FAF1: variants seen among roughly 807,000 people sequenced by gnomAD.
The protein encoded by FAF1 is Fas associated factor 1.
FAF1 carries 25 observed loss-of-function variants against 92.5 expected under a neutral mutation model. That is an observed-to-expected ratio of 0.27 (90% confidence interval 0.20 to 0.38). The LOEUF (loss-of-function observed/expected upper bound fraction) is 0.38, where lower values mean the gene tolerates loss of function less well. FAF1 is among the 10% of genes least tolerant of loss of function. FAF1 has a pLI of 1.00. For missense variants in FAF1, 636 were observed against 793.3 expected (o/e 0.80, Z 2.38); for synonymous variants, 234 against 273.2 (o/e 0.86, Z 1.42).
chr1:50,868,212 C>T (rs1329552335), intron 1 of FAF1, among the ~76,000 whole-genome samples: 1 of 152,114 alleles, frequency 6.6e-6, no homozygotes, highest in Non-Finnish European at 1.5e-5. Context: ...TAAAAGACTA[C>T]ACATTGTGTA....
chr1:50,925,282 G>A (rs1182169170), intron 1 of FAF1, among the ~76,000 whole-genome samples: 1 of 152,006 alleles, frequency 6.6e-6, no homozygotes, highest in Non-Finnish European at 1.5e-5. Context: ...ATCACGTCAG[G>A]ACAAAAACAC....
intron 18 of FAF1, among the ~76,000 whole-genome samples, chr1:50,474,237 A>C (rs540446913): frequency 6.6e-6 from 1 of 152,316 alleles, no homozygotes; most frequent in Admixed American, 6.5e-5. Context: ...CAAGTAGCTG[A>C]AGACAACAAT....
intron 5 of FAF1, among the ~76,000 whole-genome samples, chr1:50,740,273 A>T (rs1378333915): frequency 6.6e-6 from 1 of 152,150 alleles, no homozygotes; most frequent in Non-Finnish European, 1.5e-5. Flanking sequence ...CAGGGCCATC[A>T]AGGTGGGTCT....
Position 50,804,094 on chromosome 1 carries a change from T to C in FAF1, c.115-2417A>G, listed in dbSNP as rs370038178. On this transcript the variant is annotated intron_variant, in intron 2 of 18. Transcript: ENST00000396153. ...CACAGGAGAATATCAATTGTTCATA[T>C]AATAAATGTGTATTAATTGCCAACT... 4.7e-4 allele frequency among the ~76,000 whole-genome samples: 72 copies of C among 152,308 alleles called. 2 individuals are homozygous for C. The South Asian group carries it at 0.015, about 32-fold the overall frequency.
chr1:50,746,279 TATATATATA>T (rs1557506611), intron 4 of FAF1, among the ~76,000 whole-genome samples: 10 of 19,808 alleles, frequency 5.0e-4, no homozygotes, highest in African/African-American at 2.4e-3. Context: ...TATATATATA[TATATATATA>T]TATATTTTTT....
At chr1:50,816,715 G>A (rs1051144897) in intron 2 of FAF1, among the ~76,000 whole-genome samples, 8 of 152,100 alleles carry the variant, frequency 5.3e-5, no homozygotes, top group South Asian at 2.1e-4. Flanking sequence ...TTTTTGTTTC[G>A]GTTGCAAATG....
intron 9 of FAF1, among the ~76,000 whole-genome samples, chr1:50,590,982 C>CA (rs549834705): frequency 3.5e-3 from 402 of 113,322 alleles, no homozygotes; most frequent in South Asian, 0.012. Context: ...ACTCTGTCTC[C>CA]AAAAAAAAAA....
intron 15 of FAF1, among the ~76,000 whole-genome samples, chr1:50,516,167 T>G (rs1316467094): frequency 6.6e-6 from 1 of 152,158 alleles, no homozygotes; most frequent in African/African-American, 2.4e-5. Context: ...ATTCAGGCAA[T>G]ATAGCACTGC....
chr1:50,614,040 T>G (rs992694245), intron 8 of FAF1, among the ~76,000 whole-genome samples: 24 of 151,756 alleles, frequency 1.6e-4, no homozygotes. Flanking sequence ...GAGGTTGCAG[T>G]GAGTCGGGAT....
At chr1:50,864,539 A>G (rs1462567383) in intron 1 of FAF1, among the ~76,000 whole-genome samples, 1 of 152,016 alleles carries the variant, frequency 6.6e-6, no homozygotes, top group Non-Finnish European at 1.5e-5. Context: ...AACACCACAT[A>G]TCTACAACTA....
intron 1 of FAF1, among the ~76,000 whole-genome samples, chr1:50,952,659 T>A (rs1363546191): frequency 4.6e-5 from 7 of 151,010 alleles, no homozygotes; most frequent in Non-Finnish European, 1.0e-4. Flanking sequence ...GTCTAGGAAG[T>A]GAGGAGCATC....
chr1:50,827,183 A>C (rs1644107769), intron 2 of FAF1, among the ~76,000 whole-genome samples: 1 of 152,172 alleles, frequency 6.6e-6, no homozygotes, highest in African/African-American at 2.4e-5. Context: ...TTTTGTCAAA[A>C]AGAAAAGGGG....
chr1:50,810,624 G>C (rs545724804), intron 2 of FAF1, among the ~76,000 whole-genome samples: 36 of 152,344 alleles, frequency 2.4e-4, no homozygotes, highest in African/African-American at 7.9e-4. Flanking sequence ...CAAATAGAAA[G>C]AGAGGAAGTC....
rs1651074033 is a variant in FAF1, at chr1:50,583,325, A to G, written c.1031+327T>C. 6.6e-6 allele frequency among the ~76,000 whole-genome samples: 1 copy of G among 151,968 alleles called. No individual in the cohort carries two copies. The highest frequency in any genetic ancestry group is 1.5e-5 in the Non-Finnish European group (1 of 67,896). On this transcript the variant is annotated intron_variant, in intron 11 of 18. Coordinates refer to ENST00000396153, the MANE Select transcript of FAF1 (RefSeq NM_007051.3). The surrounding 1 kb of genome is among the most constrained non-coding windows in gnomAD (Gnocchi z 4.2). ...ATTTTTAAATTTAATATTATTTTAA[A>G]GGATTTTCCATTTGACTGTCCTAAG...
intron 2 of FAF1, among the ~76,000 whole-genome samples, chr1:50,834,998 A>G (rs1323155921): frequency 1.3e-5 from 2 of 152,162 alleles, no homozygotes; most frequent in Non-Finnish European, 2.9e-5. Flanking sequence ...AGAAAGAAAG[A>G]CTAGGGTAGT....
intron 13 of FAF1, among the ~76,000 whole-genome samples, chr1:50,548,038 T>C (rs1475646335): frequency 6.6e-6 from 1 of 152,200 alleles, no homozygotes; most frequent in Non-Finnish European, 1.5e-5. Context: ...ATTCCTTCTC[T>C]AGCAATGCAA....
intron 6 of FAF1, among the ~76,000 whole-genome samples, chr1:50,715,313 G>A (rs1365974717): frequency 6.6e-6 from 1 of 152,082 alleles, no homozygotes; most frequent in Non-Finnish European, 1.5e-5. Context: ...GAAGGTGGCG[G>A]GGTGGGAGCC....
intron 7 of FAF1, among the ~76,000 whole-genome samples, chr1:50,666,846 C>T (rs970766147): frequency 1.3e-5 from 2 of 152,158 alleles, no homozygotes; most frequent in Non-Finnish European, 2.9e-5. Context: ...CCACACCACA[C>T]TGCACTACAG....
At chr1:50,943,300 CT>C (rs1226244245) in intron 1 of FAF1, among the ~76,000 whole-genome samples, 1 of 152,206 alleles carries the variant, frequency 6.6e-6, no homozygotes, top group Admixed American at 6.5e-5. Context: ...AACCATGTTT[CT>C]TAGAATCCCA....
Sources: allele counts gnomAD v4.1 joint callset (sites outside exome capture counted in the v4.1 genomes callset), GRCh38; gene constraint gnomAD v4.1.1; non-coding constraint Gnocchi (gnomAD v3.1); transcripts MANE v1.5; gene names NCBI Gene and HGNC (gene_info 2026-07-23, HGNC 2026-07-21).